Variants in PGAP1 observed in about 807,000 individuals in gnomAD.
PGAP1 encodes the protein post-GPI attachment to proteins inositol deacylase 1.
PGAP1 carries 76 observed loss-of-function variants against 127.0 expected under a neutral mutation model. That is an observed-to-expected ratio of 0.60 (90% CI 0.50 to 0.72). The LOEUF (loss-of-function observed/expected upper bound fraction) is 0.72, where lower values mean the gene tolerates loss of function less well. PGAP1 is among the 30% of genes least tolerant of loss of function. PGAP1 has a pLI of 0.00. For missense variants in PGAP1, 982 were observed against 1,071.3 expected, an observed-to-expected ratio of 0.92 and a Z score of 1.16; for synonymous variants, 362 against 366.5, an observed-to-expected ratio of 0.99 and a Z score of 0.14.
chr2:196,887,450 T>C (rs980368477), intron 10 of PGAP1, among the ~76,000 whole-genome samples: 2 of 152,164 alleles, frequency 1.3e-5, no homozygotes, highest in Admixed American at 1.3e-4. Context: ...AGATCTTAAC[T>C]GCAACTTTTA....
In PGAP1 at chr2:196,893,222, T is replaced by C. The variant is rs760960656; in HGVS notation, c.951A>G (p.Lys317=). Residue 317 remains lysine, a synonymous_variant, in exon 8 of 27, where the codon AAA becomes AAG. Transcript: ENST00000354764. ...TAAAGTGGTGATACAAAACTGACAG[T>C]TTCTTCTTGGAATTTTGAGTTATCT... ...TKQITQNSKK[K]LSVLYHHFIR... 3.8e-6 allele frequency: 6 copies of C among 1,594,002 alleles called. No individual in the cohort carries two copies. In the East Asian group the frequency reaches 1.4e-4, roughly 36 times the overall value.
At chr2:196,862,108 C>A (rs554688601) in intron 20 of PGAP1, among the ~76,000 whole-genome samples, 1 of 152,054 alleles carries the variant, frequency 6.6e-6, no homozygotes, top group African/African-American at 2.4e-5. Context: ...CAGAACAGAG[C>A]CATATTTCTC....
chr2:196,924,474 T>C (rs1426510209), intron 1 of PGAP1, among the ~76,000 whole-genome samples: 2 of 152,224 alleles, frequency 1.3e-5, no homozygotes, highest in Non-Finnish European at 1.5e-5. Flanking sequence ...CTCATTTCTA[T>C]AGGCTGGTTT....
Position 196,873,712 on chromosome 2 carries a change from G to A in PGAP1, c.1473C>T (p.Tyr491=), listed in dbSNP as rs148968806. The A allele has an allele frequency of 1.4e-5, 23 of 1,611,738 alleles. No homozygotes were observed. In the African/African-American group the frequency reaches 2.5e-4, roughly 18 times the overall value. ...KVVLNTNGLY[Y]NLELLNFGQI... ...GTCCAAAGTTCAGAAGCTCTAGATT[G>A]TAGTATAGGCCATTTGTATTTAACA... Residue 491 remains tyrosine (Y), a synonymous_variant, in exon 15 of 27, where the codon TAC becomes TAT. Coordinates refer to ENST00000354764, the MANE Select transcript of PGAP1 (RefSeq NM_024989.4).
intron 2 of PGAP1, among the ~76,000 whole-genome samples, chr2:196,918,956 C>T (rs190197188): frequency 6.6e-6 from 1 of 152,316 alleles, no homozygotes; most frequent in East Asian, 1.9e-4. Flanking sequence ...TTTTCCACAG[C>T]TTATATGATA....
chr2:196,893,680 C>T (rs1702177039), intron 7 of PGAP1, among the ~76,000 whole-genome samples: 2 of 152,178 alleles, frequency 1.3e-5, no homozygotes, highest in Admixed American at 1.3e-4. Context: ...ATTCAGACTA[C>T]TGCCAACACC....
At chr2:196,860,512 C>A (rs1462852987) in intron 20 of PGAP1, among the ~76,000 whole-genome samples, 1 of 151,896 alleles carries the variant, frequency 6.6e-6, no homozygotes, top group Non-Finnish European at 1.5e-5. Context: ...CCTGTCTGGG[C>A]AACAGAACGA....
chr2:196,922,181 T>C (rs1313346687), intron 1 of PGAP1: 1 of 1,299,174 alleles, frequency 7.7e-7, no homozygotes, highest in Non-Finnish European at 1.0e-6. Context: ...CAGGTTCTTC[T>C]CATCTCTACA....
chr2:196,856,550 G>T (rs1700888949), intron 20 of PGAP1, among the ~76,000 whole-genome samples: 1 of 152,108 alleles, frequency 6.6e-6, no homozygotes, highest in Non-Finnish European at 1.5e-5. Flanking sequence ...GCTTTATTCT[G>T]AGAGCCCTGT....
Position 196,847,172 on chromosome 2 carries a change from C to T in PGAP1, c.1981G>A (p.Val661Ile), listed in dbSNP as rs757171896. The T allele has an allele frequency of 6.2e-7, 1 of 1,612,730 alleles. No individual in the cohort carries two copies. Residue 661 changes from valine (V) to isoleucine (I), a missense_variant, in exon 22 of 27, where the codon GTA becomes ATA. By Grantham distance (29) the Val-to-Ile change is conservative. Coordinates refer to ENST00000354764, the MANE Select transcript of PGAP1 (RefSeq NM_024989.4). ...GYKWFKELWD[V>I]LLLPELDAVI... ...GCATCTAATTCTGGTAACAATAATA[C>T]ATCCCACAATTCTTTAAACCATTTA...
chr2:196,847,430 T>C (rs1403093138), intron 21 of PGAP1: 1 of 322,674 alleles, frequency 3.1e-6, no homozygotes, highest in East Asian at 5.0e-5. Context: ...TACTAATCTA[T>C]ATTGATACTA....
rs185873152 is a variant in PGAP1, at chr2:196,886,505, A to G, written c.1174-625T>C. Among the ~76,000 whole-genome samples the G allele has an allele frequency of 2.0e-3, 298 of 152,214 alleles. 2 individuals are homozygous for G. Among genetic ancestry groups the G allele is most frequent in the African/African-American group, 6.7e-3 (278 of 41,538 alleles). ...CCTAAGTATTCCTAATTATTGAACC[A>G]AAATTTTCAGATTTCAGTAATGTCC... is the stretch of plus-strand genomic sequence containing the variant. On this transcript the variant is annotated intron_variant, in intron 10 of 26. Coordinates refer to ENST00000354764, the MANE Select transcript of PGAP1 (RefSeq NM_024989.4).
rs1576086751 is a variant in PGAP1 at position 196,846,078 on chromosome 2, A to G, written c.2151-61T>C. 25 of 1,090,600 alleles carry G rather than the reference A, an allele frequency of 2.3e-5. No individual in the cohort carries two copies. The East Asian group carries it at 6.6e-4, about 29-fold the overall frequency. The allele number at this position is 1,090,600 out of a possible 1,614,324, so 67.6% of individuals were successfully genotyped here. A position where few individuals can be genotyped will look rare whatever the true frequency, so the allele number is the denominator to read the frequency against. On this transcript the variant is annotated intron_variant, in intron 22 of 26. Transcript: ENST00000354764. The stretch of plus-strand genomic sequence containing the variant: ...AACAAATATTTATATAGTCACATAT[A>G]AGAAGAAAACAATATAGTACCCTCC...
chr2:196,919,135 C>T (rs1396298923), intron 2 of PGAP1, among the ~76,000 whole-genome samples: 1 of 152,168 alleles, frequency 6.6e-6, no homozygotes, highest in African/African-American at 2.4e-5. Flanking sequence ...AAACTAGCCA[C>T]TTCCTGACCC....
intron 12 of PGAP1, among the ~76,000 whole-genome samples, chr2:196,883,922 T>C (rs1196914609): frequency 6.6e-6 from 1 of 152,174 alleles, no homozygotes; most frequent in East Asian, 1.9e-4. Context: ...TTTTCTAACT[T>C]CTCTCTTTCA....
At chr2:196,881,976 A>G (rs888624664) in intron 12 of PGAP1, among the ~76,000 whole-genome samples, 16 of 152,032 alleles carry the variant, frequency 1.1e-4, no homozygotes, top group Non-Finnish European at 1.5e-4. Context: ...CATTTTTTAT[A>G]GTTTTGGGTT....
chr2:196,868,837 T>C (rs1016630507), intron 19 of PGAP1, among the ~76,000 whole-genome samples: 1 of 152,196 alleles, frequency 6.6e-6, no homozygotes, highest in African/African-American at 2.4e-5. Flanking sequence ...ATTCAAAATA[T>C]GTATTATTTT....
In PGAP1 at chr2:196,920,081, A is replaced by T; in HGVS notation, c.217T>A (p.Ser73Thr). The T allele has an allele frequency of 6.2e-7, 1 of 1,613,432 alleles. No individual in the cohort carries two copies. Among genetic ancestry groups the T allele is most frequent in the Non-Finnish European group, 8.5e-7 (1 of 1,179,556 alleles). ...AYELYLYGEG[S>T]YAEEHKILPL... ...AGAATTTTGTGTTCTTCAGCATAGGATCCCTCTCCATAAAGATACAACTCA... is the reference window on the plus strand; with the variant it reads ...AGAATTTTGTGTTCTTCAGCATAGGTTCCCTCTCCATAAAGATACAACTCA... Residue 73 changes from serine to threonine, a missense_variant, in exon 2 of 27, where the codon TCC becomes ACC. By Grantham distance (58) the Ser-to-Thr change is moderately conservative. Transcript: ENST00000354764.
At chr2:196,870,860 A>T in intron 19 of PGAP1, 81 bp downstream of exon 19, 1 of 1,218,976 alleles carries the variant, frequency 8.2e-7, no homozygotes, top group Non-Finnish European at 1.2e-6. Context: ...CCAGCCCCTT[A>T]TGGAAAAAGT....
Sources: gnomAD v4.1 joint callset for allele counts (sites outside exome capture counted in the v4.1 genomes callset) on GRCh38, gnomAD v4.1.1 for gene constraint, MANE v1.5 for transcripts, NCBI Gene and HGNC (gene_info 2026-07-23, HGNC 2026-07-21) for gene names.